The following KCNK5 variants were observed in gnomAD, a reference collection of about 807,000 sequenced individuals.
KCNK5 encodes potassium channel subfamily K member 5.
A neutral mutation model predicts 32.9 loss-of-function variants in KCNK5; 18 were observed. The ratio of observed to expected loss-of-function variants is 0.55; its 90% CI spans 0.38 to 0.81. The LOEUF is 0.81. Among genes scored for constraint, KCNK5 ranks in the 30% least tolerant of loss-of-function variants. The probability of loss-of-function intolerance (pLI) is 0.00; values close to 1 mark genes in which losing one functional copy is unlikely to be tolerated. For synonymous variants in KCNK5, 276 were observed against 275.3 expected (o/e 1.00, Z -0.03); for missense variants, 507 against 651.0 (o/e 0.78, Z 2.41).
chr6:39,189,781 A>G lies in KCNK5; in HGVS notation c.*1109T>C, dbSNP rs1468227774. 1 of 152,720 alleles carries G rather than the reference A, an allele frequency of 6.5e-6. No homozygotes were observed. Among genetic ancestry groups the G allele is most frequent in the East Asian group, 1.9e-4 (1 of 5,172 alleles). The allele number at this position is 152,720 out of a possible 1,614,324, so 9.5% of individuals were successfully genotyped here. Reference sequence around the variant, plus strand: ...GTGTGCACACACGCACTGTGCACACACACGTGCACATCAAACACTAGCTAG... The same window carrying G: ...GTGTGCACACACGCACTGTGCACACGCACGTGCACATCAAACACTAGCTAG... On this transcript the variant is annotated 3_prime_UTR_variant, in exon 5 of 5. Transcript: ENST00000359534.
intron 1 of KCNK5, among the ~76,000 whole-genome samples, chr6:39,214,132 G>A (rs1190390849): frequency 1.3e-5 from 2 of 152,208 alleles, no homozygotes; most frequent in Non-Finnish European, 2.9e-5. Flanking sequence ...AAAAAGAGAG[G>A]CTGTGCCAAA....
intron 1 of KCNK5, among the ~76,000 whole-genome samples, chr6:39,217,883 G>T (rs1366141473): frequency 2.0e-5 from 3 of 152,154 alleles, no homozygotes; most frequent in Non-Finnish European, 4.4e-5. Context: ...TCCTTTCCCA[G>T]CCTGGGGTTC....
At chr6:39,209,323 AG>A (rs1473750094) in intron 1 of KCNK5, among the ~76,000 whole-genome samples, 1 of 152,136 alleles carries the variant, frequency 6.6e-6, no homozygotes, top group African/African-American at 2.4e-5. Flanking sequence ...CTCACCATCC[AG>A]GTATGCCAGG....
chr6:39,220,463 A>G (rs1771525010), intron 1 of KCNK5, among the ~76,000 whole-genome samples: 1 of 152,198 alleles, frequency 6.6e-6, no homozygotes, highest in South Asian at 2.1e-4. Context: ...GGTAACCATC[A>G]TCCCAGGAGA....
chr6:39,205,453 C>T (rs1036603196), intron 1 of KCNK5, among the ~76,000 whole-genome samples: 5 of 152,156 alleles, frequency 3.3e-5, no homozygotes, highest in African/African-American at 1.2e-4. Flanking sequence ...GAGGGACATC[C>T]TTCATTTACC....
chr6:39,214,001 G>C (rs1047062829), intron 1 of KCNK5, among the ~76,000 whole-genome samples: 1 of 152,000 alleles, frequency 6.6e-6, no homozygotes, highest in Non-Finnish European at 1.5e-5. Context: ...ACTCCAGCCT[G>C]GGTGATGGTG....
chr6:39,228,855 G>T, intron 1 of KCNK5, 71 bp downstream of exon 1: 1 of 1,493,164 alleles, frequency 6.7e-7, no homozygotes, highest in Non-Finnish European at 9.2e-7. Flanking sequence ...CTGTGAAGGG[G>T]TCTTCCTTTC....
intron 1 of KCNK5, among the ~76,000 whole-genome samples, chr6:39,208,604 T>C (rs1343654602): frequency 6.6e-6 from 1 of 152,252 alleles, no homozygotes; most frequent in Non-Finnish European, 1.5e-5. Context: ...CTCTCTGGAA[T>C]AAATTGTATA....
At position 39,196,122 on chromosome 6, in the gene KCNK5, A is replaced by G. The variant is rs555085418; in HGVS notation, c.187-135T>C. 9 of 574,706 alleles carry G rather than the reference A, an allele frequency of 1.6e-5. No individual in the cohort carries two copies. In the South Asian group the frequency reaches 2.7e-4, roughly 17 times the overall value. 35.6% of individuals were successfully genotyped at this position (574,706 alleles called of 1,614,324 possible). ...GAAGGTGGCAGTGTCTCCATGTTAC[A>G]GATGAAACATTGTATAGAGGATCAG... On this transcript the variant is annotated intron_variant, in intron 1 of 4. Transcript: ENST00000359534.
chr6:39,199,833 G>A (rs1037678103), intron 1 of KCNK5, among the ~76,000 whole-genome samples: 23 of 152,290 alleles, frequency 1.5e-4, no homozygotes, highest in Admixed American at 3.3e-4. Context: ...ACCCCTCGCC[G>A]GGGCTTTTAC....
chr6:39,194,857 G>T lies in KCNK5; in HGVS notation c.299-97C>A. ...CACAGCCCGTTCTCTAAGATAAATTGATATTGATCTATTGTCAGTACTTAA... is the reference window on the plus strand; with the variant it reads ...CACAGCCCGTTCTCTAAGATAAATTTATATTGATCTATTGTCAGTACTTAA... On this transcript the variant is annotated intron_variant, in intron 2 of 4. Transcript: ENST00000359534. This position sits in a 1 kb window ranked among gnomAD's most constrained non-coding sequence, Gnocchi z 4.7. The T allele has an allele frequency of 1.0e-6, 1 of 998,354 alleles. No individual in the cohort carries two copies. Among genetic ancestry groups the T allele is most frequent in the South Asian group, 1.5e-5 (1 of 68,590 alleles). 61.8% of individuals were successfully genotyped at this position (998,354 alleles called of 1,614,324 possible).
chr6:39,204,121 A>G (rs1771180190), intron 1 of KCNK5, among the ~76,000 whole-genome samples: 1 of 152,236 alleles, frequency 6.6e-6, no homozygotes, highest in Non-Finnish European at 1.5e-5. Flanking sequence ...CTCCTCGAAG[A>G]CCAGAGCTGG....
At chr6:39,201,286 CT>C in intron 1 of KCNK5, among the ~76,000 whole-genome samples, 2 of 149,120 alleles carry the variant, frequency 1.3e-5, no homozygotes, top group South Asian at 4.2e-4. Flanking sequence ...GAGTCTCACT[CT>C]GTTGCCCAGG....
chr6:39,194,272 G>C lies in KCNK5; in HGVS notation c.531C>G (p.Ile177Met), dbSNP rs746373272. 5 of 1,614,042 alleles carry C rather than the reference G, an allele frequency of 3.1e-6. No individual in the cohort carries two copies. The highest frequency in any genetic ancestry group is 4.2e-6 in the Non-Finnish European group (5 of 1,179,948). Residue 177 changes from isoleucine (I) to methionine (M), a missense_variant, in exon 4 of 5, where the codon ATC becomes ATG. Physicochemically the swap from Ile to Met is conservative, Grantham distance 10. This residue lies in a region of KCNK5 where 22 missense variants were observed against 19.8 expected (regional missense o/e 1.11). Coordinates refer to ENST00000359534, the MANE Select transcript of KCNK5 (RefSeq NM_003740.4). This position sits in a 1 kb window ranked among gnomAD's most constrained non-coding sequence, Gnocchi z 4.7. ...IVWGVLVHLVIPPFVFMVTEG... is the reference protein window; with the variant it reads ...IVWGVLVHLVMPPFVFMVTEG... ...CAGTCACCATGAATACGAAGGGTGG[G>C]ATCACCAGGTGGACTAGGACGCCCC... is the stretch of plus-strand genomic sequence containing the variant.
At chr6:39,201,691 C>T (rs2815107) in intron 1 of KCNK5, among the ~76,000 whole-genome samples, 41,219 of 152,088 alleles carry the variant, frequency 0.27, 5,869 homozygotes, top group East Asian at 0.55. Flanking sequence ...ATTCCTCTCA[C>T]CTCCCTTCCC....
chr6:39,204,883 G>C (rs1339953415), intron 1 of KCNK5, among the ~76,000 whole-genome samples: 3 of 152,236 alleles, frequency 2.0e-5, no homozygotes. Flanking sequence ...TAGGTCTCAC[G>C]CTCAGGAGGG....
At position 39,191,034 on chromosome 6, in the gene KCNK5, C is replaced by A; in HGVS notation, c.1356G>T (p.Gly452=). 2 of 1,607,440 alleles carry A rather than the reference C, an allele frequency of 1.2e-6. No homozygotes were observed. Among genetic ancestry groups the A allele is most frequent in the Non-Finnish European group, 1.7e-6 (2 of 1,176,852 alleles). ...NLAGEESPQQ[G]AEAKAPLNMG... The stretch of plus-strand genomic sequence containing the variant: ...TGTTCAGGGGCGCCTTGGCTTCAGC[C>A]CCCTGCTGGGGGCTCTCCTCCCCTG... The change falls in exon 5 of 5, where the codon GGG becomes GGT. Residue 452 remains glycine (G), a synonymous_variant. Transcript: ENST00000359534. The surrounding 1 kb of genome is among the most constrained non-coding windows in gnomAD (Gnocchi z 5.8).
intron 1 of KCNK5, among the ~76,000 whole-genome samples, chr6:39,196,564 G>C (rs1021076349): frequency 6.6e-5 from 10 of 152,184 alleles, no homozygotes; most frequent in African/African-American, 2.2e-4. Flanking sequence ...CCTACTGTAG[G>C]ATACCTGCTC....
intron 1 of KCNK5, among the ~76,000 whole-genome samples, chr6:39,203,260 A>G (rs1266372615): frequency 6.6e-6 from 1 of 152,262 alleles, no homozygotes; most frequent in Non-Finnish European, 1.5e-5. Flanking sequence ...GTCGATTTTC[A>G]GCCTGATCCA....
Sources: gnomAD v4.1 joint callset for allele counts (sites outside exome capture counted in the v4.1 genomes callset) on GRCh38, gnomAD v4.1.1 for gene constraint, gnomAD v4.1.1 regional missense constraint, Gnocchi (gnomAD v3.1) non-coding constraint, MANE v1.5 for transcripts, NCBI Gene and HGNC (gene_info 2026-07-23, HGNC 2026-07-21) for gene names.